OSBPL3: variants seen among roughly 807,000 people sequenced by gnomAD.
OSBPL3 encodes the protein oxysterol binding protein like 3.
Under a neutral mutation model 120.1 loss-of-function variants are expected in OSBPL3, and 65 were observed. The observed-to-expected ratio is 0.54, with a 90% confidence interval of 0.44 to 0.67. The LOEUF (loss-of-function observed/expected upper bound fraction) is 0.67. Among genes scored for constraint, OSBPL3 ranks in the 30% least tolerant of loss-of-function variants. The pLI is 0.00. For missense variants in OSBPL3, 1,004 were observed against 1,082.1 expected (o/e 0.93, Z 1.01); for synonymous variants, 416 against 402.6 (o/e 1.03, Z -0.40).
intron 10 of OSBPL3, among the ~76,000 whole-genome samples, chr7:24,856,131 C>T (rs745595434): frequency 6.6e-6 from 1 of 152,166 alleles, no homozygotes; most frequent in Non-Finnish European, 1.5e-5. Flanking sequence ...GTGGCATCTG[C>T]GATGATTCAT....
At position 24,946,788 on chromosome 7, in the gene OSBPL3, G is replaced by C. The variant is rs1355029101; in HGVS notation, c.-150+33098C>G. 6.6e-6 allele frequency among the ~76,000 whole-genome samples: 1 copy of C among 152,096 alleles called. No individual in the cohort carries two copies. Among genetic ancestry groups the C allele is most frequent in the Non-Finnish European group, 1.5e-5 (1 of 68,036 alleles). On this transcript the variant is annotated intron_variant, in intron 1 of 22. Coordinates refer to ENST00000313367, the MANE Select transcript of OSBPL3 (RefSeq NM_015550.4). This position sits in a 1 kb window ranked among gnomAD's most constrained non-coding sequence, Gnocchi z 4.3. Reference sequence around the variant, plus strand: ...TTTATCATATGCTTTGGATTCATGAGCTGAAGTAGCAGGGATGTGTGGGAG... The same window carrying C: ...TTTATCATATGCTTTGGATTCATGACCTGAAGTAGCAGGGATGTGTGGGAG...
At chr7:24,823,161 T>C (rs1463460282) in intron 16 of OSBPL3, among the ~76,000 whole-genome samples, 1 of 152,204 alleles carries the variant, frequency 6.6e-6, no homozygotes, top group Non-Finnish European at 1.5e-5. Context: ...CTGCTGGCTG[T>C]ATGACCTTCA....
chr7:24,971,175 G>C (rs1159805000), intron 1 of OSBPL3, among the ~76,000 whole-genome samples: 1 of 152,206 alleles, frequency 6.6e-6, no homozygotes, highest in Non-Finnish European at 1.5e-5. Flanking sequence ...GCACACAGAG[G>C]GGGTCTCTAA....
Position 24,804,176 on chromosome 7 carries a change from G to T in OSBPL3, c.2567+139C>A. 1 of 965,742 alleles carries T rather than the reference G, an allele frequency of 1.0e-6. No homozygotes were observed. The highest frequency in any genetic ancestry group is 1.6e-6 in the Non-Finnish European group (1 of 629,726). The allele number at this position is 965,742 out of a possible 1,614,324, so 59.8% of individuals were successfully genotyped here. On this transcript the variant is annotated intron_variant, in intron 22 of 22. Transcript: ENST00000313367. The surrounding 1 kb of genome is among the most constrained non-coding windows in gnomAD (Gnocchi z 5.4). ...GGGGGACAGGGCCTGGCACAGAGGA[G>T]CAGTACCCCCACGTGGAAGCAGGAA... is the stretch of plus-strand genomic sequence containing the variant.
At chr7:24,928,910 C>T (rs1562980448) in intron 1 of OSBPL3, among the ~76,000 whole-genome samples, 1 of 152,148 alleles carries the variant, frequency 6.6e-6, no homozygotes, top group Non-Finnish European at 1.5e-5. Flanking sequence ...ATCTGTTCAC[C>T]AGCTGATGAA....
rs1400540623 is a variant in OSBPL3 at position 24,972,527 on chromosome 7, T to C, written c.-150+7359A>G. On this transcript the variant is annotated intron_variant, in intron 1 of 22. Transcript: ENST00000313367. The surrounding 1 kb of genome is among the most constrained non-coding windows in gnomAD (Gnocchi z 4.3). ...TATCCCCTTCTAGTCTGTAAGCTCC[T>C]TGAAGGGAGGTTCCACATCTGTTCA... 6.6e-6 allele frequency among the ~76,000 whole-genome samples: 1 copy of C among 152,244 alleles called. No homozygotes were observed. The highest frequency in any genetic ancestry group is 2.4e-5 in the African/African-American group (1 of 41,458).
chr7:24,839,145 G>A (rs1406315887), intron 14 of OSBPL3, among the ~76,000 whole-genome samples: 1 of 152,162 alleles, frequency 6.6e-6, no homozygotes, highest in Non-Finnish European at 1.5e-5. Flanking sequence ...TCAAAAAGGT[G>A]CCTGGCATGG....
At chr7:24,897,461 G>A (rs1284995227) in intron 1 of OSBPL3, among the ~76,000 whole-genome samples, 2 of 151,332 alleles carry the variant, frequency 1.3e-5, no homozygotes, top group South Asian at 2.1e-4. Context: ...GAGTAGCTGG[G>A]ACTACAGGCG....
intron 1 of OSBPL3, among the ~76,000 whole-genome samples, chr7:24,950,871 G>A (rs1210187363): frequency 6.6e-6 from 1 of 152,152 alleles, no homozygotes; most frequent in Non-Finnish European, 1.5e-5. Flanking sequence ...ACAGAGGACT[G>A]TTTAAAGTCA....
At chr7:24,902,083 A>T (rs1022487823) in intron 1 of OSBPL3, among the ~76,000 whole-genome samples, 2 of 152,234 alleles carry the variant, frequency 1.3e-5, no homozygotes, top group Non-Finnish European at 2.9e-5. Context: ...TTTCATTTGC[A>T]AAATGGGAAT....
Position 24,953,429 on chromosome 7 carries a change from A to G in OSBPL3, c.-150+26457T>C, listed in dbSNP as rs1584721995. Among the ~76,000 whole-genome samples, 2 of 152,230 alleles carry G rather than the reference A, an allele frequency of 1.3e-5. No individual in the cohort carries two copies. Among genetic ancestry groups the G allele is most frequent in the Non-Finnish European group, 2.9e-5 (2 of 68,042 alleles). On this transcript the variant is annotated intron_variant, in intron 1 of 22. Transcript: ENST00000313367. The surrounding 1 kb of genome is among the most constrained non-coding windows in gnomAD (Gnocchi z 4.3). ...AAGTTGAGTTTAAATGTGTCTTATT[A>G]AAGTATTGTGTTAAAAAAAAAAGTA...
chr7:24,820,168 A>G lies in OSBPL3; in HGVS notation c.1948+7T>C. The G allele has an allele frequency of 6.3e-7, 1 of 1,582,432 alleles. No homozygotes were observed. The highest frequency in any genetic ancestry group is 8.7e-7 in the Non-Finnish European group (1 of 1,152,190). On this transcript the variant is annotated splice_region_variant and intron_variant, in intron 17 of 22. Coordinates refer to ENST00000313367, the MANE Select transcript of OSBPL3 (RefSeq NM_015550.4). This position sits in a 1 kb window ranked among gnomAD's most constrained non-coding sequence, Gnocchi z 4.6. Reference sequence around the variant, plus strand: ...TATGATGGAAGTAAAATGTATTAGCACATTACCTTGCCAGAAAACAAAATT... The same window carrying G: ...TATGATGGAAGTAAAATGTATTAGCGCATTACCTTGCCAGAAAACAAAATT...
rs979250887 is a variant in OSBPL3, at chr7:24,968,499, C to T, written c.-150+11387G>A. ...GCAGCCACTGCCTCCCGGGTTCCAG[C>T]GATTCTCCTGCCTCCACCTCCTGCG... On this transcript the variant is annotated intron_variant, in intron 1 of 22. Transcript: ENST00000313367. The surrounding 1 kb of genome is among the most constrained non-coding windows in gnomAD (Gnocchi z 4.6). Among the ~76,000 whole-genome samples the T allele has an allele frequency of 2.6e-5, 4 of 152,186 alleles. No individual in the cohort carries two copies. Among genetic ancestry groups the T allele is most frequent in the South Asian group, 2.1e-4 (1 of 4,834 alleles).
chr7:24,845,883 G>T (rs751743027), intron 12 of OSBPL3, among the ~76,000 whole-genome samples: 4 of 152,218 alleles, frequency 2.6e-5, no homozygotes, highest in Non-Finnish European at 5.9e-5. Flanking sequence ...ATGGTGGGTA[G>T]TGAGTGCCTA....
rs753857311 is a variant in OSBPL3 at position 24,817,037 on chromosome 7, G to T, written c.1949-349C>A. Among the ~76,000 whole-genome samples, 3 of 152,196 alleles carry T rather than the reference G, an allele frequency of 2.0e-5. No homozygotes were observed. The highest frequency in any genetic ancestry group is 6.5e-5 in the Admixed American group (1 of 15,278). ...ATGCTTGGAGAAAGCATCAGAAGAG[G>T]CTTGTCAGAAAGGGCCATCTAAATG... On this transcript the variant is annotated intron_variant, in intron 17 of 22. Transcript: ENST00000313367. The surrounding 1 kb of genome is among the most constrained non-coding windows in gnomAD (Gnocchi z 4.0).
rs185753676 is a variant in OSBPL3 at position 24,858,486 on chromosome 7, T to C, written c.1027+3127A>G. ...TCTGAGGCCCCCAAATTACAATCTG[T>C]GCAAGAGACTCCCTGAACCAGGAAA... is the stretch of plus-strand genomic sequence containing the variant. On this transcript the variant is annotated intron_variant, in intron 10 of 22. Transcript: ENST00000313367. Among the ~76,000 whole-genome samples, 7 of 152,330 alleles carry C rather than the reference T, an allele frequency of 4.6e-5. No individual in the cohort carries two copies. In the East Asian group the frequency reaches 1.3e-3, roughly 29 times the overall value.
chr7:24,917,293 G>A (rs1809703613), intron 1 of OSBPL3, among the ~76,000 whole-genome samples: 1 of 150,964 alleles, frequency 6.6e-6, no homozygotes, highest in Non-Finnish European at 1.5e-5. Flanking sequence ...CTATATCAAG[G>A]ATTATCAGGC....
At chr7:24,957,094 G>A (rs1815156170) in intron 1 of OSBPL3, among the ~76,000 whole-genome samples, 1 of 151,988 alleles carries the variant, frequency 6.6e-6, no homozygotes, top group Non-Finnish European at 1.5e-5. Flanking sequence ...ACTCTTGAAA[G>A]TTTCAGTCTC....
chr7:24,835,367 TATC>T lies in OSBPL3; in HGVS notation c.1496-634_1496-632del, dbSNP rs1364958038. On this transcript the variant is annotated intron_variant, in intron 14 of 22. Coordinates refer to ENST00000313367, the MANE Select transcript of OSBPL3 (RefSeq NM_015550.4). The surrounding 1 kb of genome is among the most constrained non-coding windows in gnomAD (Gnocchi z 4.8). ...AATGCAAATCAAAACCACAATGAGA[TATC>T]ATCTCATACCAATCAGAATAGCAAT... Among the ~76,000 whole-genome samples, 5 of 152,058 alleles carry T rather than the reference TATC, an allele frequency of 3.3e-5. No homozygotes were observed. The highest frequency in any genetic ancestry group is 1.2e-4 in the African/African-American group (5 of 41,396).
Sources: allele counts gnomAD v4.1 joint callset (sites outside exome capture counted in the v4.1 genomes callset), GRCh38; gene constraint gnomAD v4.1.1; non-coding constraint Gnocchi (gnomAD v3.1); transcripts MANE v1.5; gene names NCBI Gene and HGNC (gene_info 2026-07-23, HGNC 2026-07-21).